Variants in MYSM1 observed in about 807,000 individuals in gnomAD.
MYSM1 encodes Myb like, SWIRM and MPN domains 1.
In MYSM1, 51 loss-of-function variants were observed where a neutral mutation model predicts 116.0. The observed-to-expected ratio is 0.44, with a 90% CI of 0.35 to 0.56. The LOEUF (loss-of-function observed/expected upper bound fraction) is 0.56. MYSM1 is among the 20% of genes least tolerant of loss of function. The pLI, the probability that MYSM1 is intolerant of heterozygous loss-of-function variation, is 0.00. For synonymous variants in MYSM1, 313 were observed against 315.2 expected (o/e 0.99, Z 0.07); for missense variants, 900 against 974.9 (o/e 0.92, Z 1.02).
intron 3 of MYSM1, chr1:58,692,279 T>TTA (rs1032232280): frequency 6.6e-6 from 1 of 152,264 alleles, no homozygotes. Context: ...AACCACTACT[T>TTA]ATTAGACTAT....
chr1:58,676,140 C>T (rs1043195626), intron 9 of MYSM1, among the ~76,000 whole-genome samples: 5 of 152,088 alleles, frequency 3.3e-5, no homozygotes, highest in Admixed American at 3.3e-4. Context: ...GAGTAGAGGT[C>T]AGGCGCGGTG....
chr1:58,699,774 C>T (rs757216004), intron 1 of MYSM1: 1 of 985,334 alleles, frequency 1.0e-6, no homozygotes, highest in Admixed American at 6.1e-5. Flanking sequence ...GTGAAAGCGA[C>T]CCAGGAGTAC....
At chr1:58,673,050 T>C (rs1326869453) in intron 11 of MYSM1, among the ~76,000 whole-genome samples, 1 of 152,162 alleles carries the variant, frequency 6.6e-6, no homozygotes, top group Non-Finnish European at 1.5e-5. Context: ...AACAATACTT[T>C]GAGGGAGGTA....
chr1:58,695,540 A>T (rs568131467), intron 1 of MYSM1, among the ~76,000 whole-genome samples: 1 of 152,316 alleles, frequency 6.6e-6, no homozygotes, highest in African/African-American at 2.4e-5. Context: ...CCAACAATGC[A>T]GTTTCAGCTG....
rs1373883906 is a variant in MYSM1, at chr1:58,658,560, C to T, written c.*1437G>A. On this transcript the variant is annotated 3_prime_UTR_variant, in exon 20 of 20. Transcript: ENST00000472487. The stretch of plus-strand genomic sequence containing the variant: ...AACCAGGTCACCTAAAGCTGACTCA[C>T]TGCTTCTTCCAATACTCCTTATTCT... The T allele has an allele frequency of 6.6e-6, 1 of 152,118 alleles. No homozygotes were observed. The highest frequency in any genetic ancestry group is 6.6e-5 in the Admixed American group (1 of 15,264). The allele number at this position is 152,118 out of a possible 1,614,324, so 9.4% of individuals were successfully genotyped here.
intron 11 of MYSM1, 145 bp from the exon 12 acceptor site, chr1:58,672,103 G>A (rs1644570631): frequency 1.6e-6 from 1 of 638,086 alleles, no homozygotes; most frequent in Non-Finnish European, 2.7e-6. Context: ...CTACCAACAT[G>A]TAGAAAGACT....
rs1644569502 is a variant in MYSM1, at chr1:58,672,031, T to C, written c.1573-73A>G. 14 of 1,244,164 alleles carry C rather than the reference T, an allele frequency of 1.1e-5. No homozygotes were observed. In the South Asian group the frequency reaches 1.5e-4, roughly 14 times the overall value. The allele number at this position is 1,244,164 out of a possible 1,614,324, so 77.1% of individuals were successfully genotyped here. A position where few individuals can be genotyped will look rare whatever the true frequency, so the allele number is the denominator to read the frequency against. ...GCAGAATAAAAATAGTCCTTTAAAATCAAATTGAAGGGCATGTGAGGACAA... is the reference window on the plus strand; with the variant it reads ...GCAGAATAAAAATAGTCCTTTAAAACCAAATTGAAGGGCATGTGAGGACAA... On this transcript the variant is annotated intron_variant, in intron 11 of 19. Coordinates refer to ENST00000472487, the MANE Select transcript of MYSM1 (RefSeq NM_001085487.3).
At chr1:58,677,185 A>G in intron 8 of MYSM1, 129 bp from the exon 9 acceptor site, 1 of 687,984 alleles carries the variant, frequency 1.5e-6, no homozygotes, top group East Asian at 3.0e-5. Flanking sequence ...TGTGTAATAA[A>G]TACAATACTA....
At chr1:58,662,659 GA>G (rs142606111) in intron 17 of MYSM1, among the ~76,000 whole-genome samples, 2,495 of 143,982 alleles carry the variant, frequency 0.017, 73 homozygotes, top group African/African-American at 0.059. Context: ...AGAAGGCATG[GA>G]AAAAAAAAAG....
At chr1:58,688,561 C>CA (rs57437493) in intron 6 of MYSM1, among the ~76,000 whole-genome samples, 3,233 of 142,792 alleles carry the variant, frequency 0.023, 114 homozygotes, top group African/African-American at 0.078. Flanking sequence ...GACATTCACG[C>CA]AAAAAAAAAA....
At position 58,688,228 on chromosome 1, in the gene MYSM1, A is replaced by G. The variant is rs373225354; in HGVS notation, c.399+810T>C. ...ATCTCATGGTGTTGACTAAAATACA[A>G]ACACAAACATTTTATTCTCATCATC... On this transcript the variant is annotated intron_variant, in intron 6 of 19. Transcript: ENST00000472487. Among the ~76,000 whole-genome samples, 24 of 152,058 alleles carry G rather than the reference A, an allele frequency of 1.6e-4. No homozygotes were observed. In the East Asian group the frequency reaches 4.1e-3, roughly 26 times the overall value.
chr1:58,696,268 T>C (rs183170374), intron 1 of MYSM1, among the ~76,000 whole-genome samples: 199 of 152,344 alleles, frequency 1.3e-3, no homozygotes, highest in African/African-American at 4.7e-3. Context: ...AGAACCACTA[T>C]CATTTCAAAT....
rs1260926154 is a variant in MYSM1 at position 58,676,966 on chromosome 1, A to C, written c.1350T>G (p.His450Gln). 1.9e-6 allele frequency: 3 copies of C among 1,612,692 alleles called. No individual in the cohort carries two copies. In the South Asian group the frequency reaches 3.3e-5, roughly 18 times the overall value. The change falls in exon 9 of 20, where the codon CAT (histidine) becomes CAG (glutamine). Residue 450 changes from histidine to glutamine, a missense_variant. This residue lies in a region of MYSM1 where 622 missense variants were observed against 623.7 expected (regional missense o/e 1.00). Coordinates refer to ENST00000472487, the MANE Select transcript of MYSM1 (RefSeq NM_001085487.3). The part of the protein sequence containing the change: ...CGDVNCIGRI[H>Q]TYLELIGAIN... Reference sequence around the variant, plus strand: ...TTGCTCCTATCAATTCGAGGTATGTATGAATCCGTCCAATACAATTAACAT... The same window carrying C: ...TTGCTCCTATCAATTCGAGGTATGTCTGAATCCGTCCAATACAATTAACAT...
chr1:58,676,421 A>AG (rs1002964391), intron 9 of MYSM1, among the ~76,000 whole-genome samples: 1 of 151,802 alleles, frequency 6.6e-6, no homozygotes, highest in Non-Finnish European at 1.5e-5. Context: ...AAAAAAAAAA[A>AG]AGAGTAGAAT....
rs564226404 is a variant in MYSM1 at position 58,658,325 on chromosome 1, A to G, written c.*1672T>C. The G allele has an allele frequency of 1.3e-5, 2 of 152,136 alleles. No homozygotes were observed. The highest frequency in any genetic ancestry group is 4.1e-4 in the South Asian group (2 of 4,828). The allele number at this position is 152,136 out of a possible 1,614,324, so 9.4% of individuals were successfully genotyped here. Reference sequence around the variant, plus strand: ...TAAGTGCACACAGAGAAATGGAAAAATACTACCCTTTTTTTTTTAAATGTA... The same window carrying G: ...TAAGTGCACACAGAGAAATGGAAAAGTACTACCCTTTTTTTTTTAAATGTA... On this transcript the variant is annotated 3_prime_UTR_variant, in exon 20 of 20. Coordinates refer to ENST00000472487, the MANE Select transcript of MYSM1 (RefSeq NM_001085487.3).
At chr1:58,661,920 AAT>A (rs1193267481) in intron 17 of MYSM1, among the ~76,000 whole-genome samples, 1 of 151,716 alleles carries the variant, frequency 6.6e-6, no homozygotes, top group Non-Finnish European at 1.5e-5. Context: ...GATAATTAAA[AAT>A]ATATATATAT....
rs1284724308 is a variant in MYSM1, at chr1:58,657,378, T to C, written c.*2619A>G. On this transcript the variant is annotated 3_prime_UTR_variant, in exon 20 of 20. Coordinates refer to ENST00000472487, the MANE Select transcript of MYSM1 (RefSeq NM_001085487.3). The stretch of plus-strand genomic sequence containing the variant: ...AACATTATTAAAGGCAGGTGTTCCT[T>C]TGAGACTCTGCCTCCTGAACTTCCT... 2 of 152,188 alleles carry C rather than the reference T, an allele frequency of 1.3e-5. No individual in the cohort carries two copies. The highest frequency in any genetic ancestry group is 4.8e-5 in the African/African-American group (2 of 41,444). The allele number at this position is 152,188 out of a possible 1,614,324, so 9.4% of individuals were successfully genotyped here.
At chr1:58,693,049 GCACA>G (rs1437721905) in intron 2 of MYSM1, 118 bp from the exon 3 acceptor site, 24 of 745,368 alleles carry the variant, frequency 3.2e-5, no homozygotes, top group African/African-American at 3.1e-4. Flanking sequence ...CATTTACTGA[GCACA>G]CAGACATATT....
At chr1:58,672,540 C>CA (rs538189533) in intron 11 of MYSM1, among the ~76,000 whole-genome samples, 5 of 152,106 alleles carry the variant, frequency 3.3e-5, no homozygotes, top group Admixed American at 2.6e-4. Context: ...GTCTGACACA[C>CA]AGTAAGCCCT....
Sources: gnomAD v4.1 joint callset for allele counts (sites outside exome capture counted in the v4.1 genomes callset) on GRCh38, gnomAD v4.1.1 for gene constraint, gnomAD v4.1.1 regional missense constraint, MANE v1.5 for transcripts, NCBI Gene and HGNC (gene_info 2026-07-23, HGNC 2026-07-21) for gene names.